Variants in CAMK2B observed in about 807,000 individuals in gnomAD.
CAMK2B encodes the protein calcium/calmodulin dependent protein kinase II beta.
Under a neutral mutation model 93.7 loss-of-function variants are expected in CAMK2B, and 27 were observed. The ratio of observed to expected loss-of-function variants is 0.29; its 90% CI spans 0.21 to 0.40. The LOEUF (loss-of-function observed/expected upper bound fraction) is 0.40. CAMK2B is among the 10% of genes least tolerant of loss of function. The probability of loss-of-function intolerance (pLI) is 1.00; values close to 1 mark genes in which losing one functional copy is unlikely to be tolerated. For missense variants in CAMK2B, 568 were observed against 895.8 expected (o/e 0.63, Z 4.67); for synonymous variants, 374 against 358.8 (o/e 1.04, Z -0.48).
At chr7:44,288,570 C>G (rs1785780701) in intron 1 of CAMK2B, among the ~76,000 whole-genome samples, 1 of 152,218 alleles carries the variant, frequency 6.6e-6, no homozygotes, top group South Asian at 2.1e-4. Flanking sequence ...TTTGAATAAC[C>G]TGTTCAGATC....
intron 17 of CAMK2B, 34 bp downstream of exon 17, chr7:44,230,972 G>C: frequency 3.9e-6 from 6 of 1,546,640 alleles, no homozygotes; most frequent in Non-Finnish European, 5.2e-6. Flanking sequence ...CAATGCCAAG[G>C]CCGCTGGGGG....
rs1019780959 is a variant in CAMK2B at position 44,311,935 on chromosome 7, G to T, written c.65+13422C>A. ...CTTCTCCTGCCCAGGGTCATACAAC[G>T]GGGCCCAAATGAGGCACAGGCCCAT... On this transcript the variant is annotated intron_variant, in intron 1 of 23. Coordinates refer to ENST00000395749, the MANE Select transcript of CAMK2B (RefSeq NM_001220.5). This position sits in a 1 kb window ranked among gnomAD's most constrained non-coding sequence, Gnocchi z 4.2. 6.6e-6 allele frequency among the ~76,000 whole-genome samples: 1 copy of T among 152,162 alleles called. No individual in the cohort carries two copies. The highest frequency in any genetic ancestry group is 2.1e-4 in the South Asian group (1 of 4,826).
intron 1 of CAMK2B, among the ~76,000 whole-genome samples, chr7:44,287,778 C>T (rs1283936297): frequency 1.3e-5 from 2 of 152,220 alleles, no homozygotes; most frequent in African/African-American, 2.4e-5. Flanking sequence ...AGATCCAATG[C>T]AAACAGCTCC....
At chr7:44,239,563 C>T (rs1283461100) in intron 13 of CAMK2B, 26 bp downstream of exon 13, 10 of 1,534,852 alleles carry the variant, frequency 6.5e-6, no homozygotes, top group African/African-American at 4.1e-5. Flanking sequence ...CGGGAGCGGG[C>T]GGGACGCTGG....
intron 11 of CAMK2B, among the ~76,000 whole-genome samples, chr7:44,241,054 T>G (rs933054442): frequency 1.3e-5 from 2 of 152,204 alleles, no homozygotes; most frequent in African/African-American, 4.8e-5. Context: ...CGGCAGCTCC[T>G]CTGGGGTCCA....
intron 5 of CAMK2B, among the ~76,000 whole-genome samples, chr7:44,251,362 G>A (rs1357186907): frequency 3.3e-5 from 5 of 152,154 alleles, no homozygotes; most frequent in South Asian, 2.1e-4. Flanking sequence ...ACTCTCCACC[G>A]AGCTCCACTG....
chr7:44,313,162 C>T (rs1234894208), intron 1 of CAMK2B, among the ~76,000 whole-genome samples: 1 of 152,172 alleles, frequency 6.6e-6, no homozygotes, highest in African/African-American at 2.4e-5. Flanking sequence ...CACCCACCTC[C>T]CGCTGCCTAG....
intron 1 of CAMK2B, among the ~76,000 whole-genome samples, chr7:44,294,074 A>G (rs1787612572): frequency 6.6e-6 from 1 of 152,148 alleles, no homozygotes; most frequent in Non-Finnish European, 1.5e-5. Flanking sequence ...AAGGCACCAC[A>G]CATCCCCAGG....
At chr7:44,236,599 C>A (rs1012189929) in intron 13 of CAMK2B, among the ~76,000 whole-genome samples, 10 of 152,222 alleles carry the variant, frequency 6.6e-5, no homozygotes, top group Admixed American at 4.6e-4. Flanking sequence ...AACCCTCCCC[C>A]TCGCTGCAGC....
intron 1 of CAMK2B, among the ~76,000 whole-genome samples, chr7:44,323,585 A>C (rs1796703840): frequency 1.3e-5 from 2 of 152,180 alleles, no homozygotes; most frequent in South Asian, 4.1e-4. Context: ...GGCTCGCAGC[A>C]AAGGGAAGAA....
intron 4 of CAMK2B, 96 bp from the exon 5 acceptor site, chr7:44,254,703 A>T: frequency 1.3e-6 from 1 of 781,108 alleles, no homozygotes; most frequent in Non-Finnish European, 2.3e-6. Flanking sequence ...CACCACTATC[A>T]TCACCATCAC....
intron 6 of CAMK2B, among the ~76,000 whole-genome samples, chr7:44,244,514 G>A (rs943816859): frequency 1.3e-5 from 2 of 151,828 alleles, no homozygotes; most frequent in African/African-American, 2.4e-5. Context: ...CCCTTGGCCA[G>A]CCTCCCAGGC....
In CAMK2B at chr7:44,220,857, C is replaced by A; in HGVS notation, c.1642G>T (p.Ala548Ser). The A allele has an allele frequency of 2.5e-6, 4 of 1,572,364 alleles. No homozygotes were observed. The highest frequency in any genetic ancestry group is 1.2e-5 in the South Asian group (1 of 85,650). ...GCCTCAAAGTCACCGTTGTTGACGGCCTCGATGAGCTGCTCCGTGGTCTTA... is the reference window on the plus strand; with the variant it reads ...GCCTCAAAGTCACCGTTGTTGACGGACTCGATGAGCTGCTCCGTGGTCTTA... ...IIKTTEQLIE[A>S]VNNGDFEAYA... Residue 548 changes from alanine to serine, a missense_variant, in exon 21 of 24, where the codon GCC becomes TCC. By Grantham distance (99) the Ala-to-Ser change is moderately conservative. Coordinates refer to ENST00000395749, the MANE Select transcript of CAMK2B (RefSeq NM_001220.5).
intron 1 of CAMK2B, among the ~76,000 whole-genome samples, chr7:44,299,999 T>C (rs1789440579): frequency 6.8e-6 from 1 of 147,882 alleles, no homozygotes; most frequent in African/African-American, 2.5e-5. Flanking sequence ...TATGTATATA[T>C]GTATGTATAT....
chr7:44,288,819 C>T (rs143528620), intron 1 of CAMK2B, among the ~76,000 whole-genome samples: 6 of 152,200 alleles, frequency 3.9e-5, no homozygotes, highest in African/African-American at 1.4e-4. Context: ...CCTGCTCGGG[C>T]ACCTCCTTCA....
chr7:44,258,987 C>T (rs1584313520), intron 3 of CAMK2B, 61 bp from the exon 4 acceptor site: 3 of 1,425,720 alleles, frequency 2.1e-6, no homozygotes, highest in Admixed American at 3.5e-5. Flanking sequence ...TCCTGCCTGC[C>T]TCCGTACCTG....
At chr7:44,273,833 C>A (rs1317758671) in intron 2 of CAMK2B, among the ~76,000 whole-genome samples, 1 of 152,196 alleles carries the variant, frequency 6.6e-6, no homozygotes, top group Non-Finnish European at 1.5e-5. Flanking sequence ...CCGGAGGTTC[C>A]CACTCATCCC....
chr7:44,306,975 G>GGGAGGAGGATGTGAGCAGGA (rs1791876689), intron 1 of CAMK2B, among the ~76,000 whole-genome samples: 1 of 79,376 alleles, frequency 1.3e-5, no homozygotes, highest in Non-Finnish European at 2.8e-5. Flanking sequence ...TGTGAGAAAG[G>GGGAGGAGGATGTGAGCAGGA]GGAGGAGGGT....
At chr7:44,290,885 G>A (rs1000208433) in intron 1 of CAMK2B, among the ~76,000 whole-genome samples, 4 of 152,112 alleles carry the variant, frequency 2.6e-5, no homozygotes, top group African/African-American at 9.7e-5. Flanking sequence ...TTATTGTTAC[G>A]TTTACAATGT....
Sources: allele counts gnomAD v4.1 joint callset (sites outside exome capture counted in the v4.1 genomes callset), GRCh38; gene constraint gnomAD v4.1.1; non-coding constraint Gnocchi (gnomAD v3.1); transcripts MANE v1.5; gene names NCBI Gene and HGNC (gene_info 2026-07-23, HGNC 2026-07-21).